TNFRSF8: variants seen among roughly 807,000 people sequenced by gnomAD.
TNFRSF8 encodes tumor necrosis factor receptor superfamily member 8.
A neutral mutation model predicts 70.8 loss-of-function variants in TNFRSF8; 26 were observed. The ratio of observed to expected loss-of-function variants is 0.37; its 90% confidence interval spans 0.27 to 0.51. The LOEUF (loss-of-function observed/expected upper bound fraction) is 0.51, where lower values mean the gene tolerates loss of function less well. Among genes scored for constraint, TNFRSF8 ranks in the 20% least tolerant of loss-of-function variants. The pLI is 0.94. For synonymous variants in TNFRSF8, 356 were observed against 339.2 expected, an observed-to-expected ratio of 1.05 and a Z score of -0.54; for missense variants, 720 against 807.9, an observed-to-expected ratio of 0.89 and a Z score of 1.32.
intron 8 of TNFRSF8, among the ~76,000 whole-genome samples, chr1:12,118,186 C>T (rs994891355): frequency 1.3e-5 from 2 of 150,448 alleles, no homozygotes; most frequent in South Asian, 2.1e-4. Flanking sequence ...TCTCGGCTCA[C>T]GGCAACCTCT....
At chr1:12,125,387 G>A (rs915501691) in intron 10 of TNFRSF8, among the ~76,000 whole-genome samples, 1 of 152,156 alleles carries the variant, frequency 6.6e-6, no homozygotes, top group Non-Finnish European at 1.5e-5. Flanking sequence ...ACGAACTTTC[G>A]TGAGCCTCAG....
intron 8 of TNFRSF8, among the ~76,000 whole-genome samples, chr1:12,118,550 C>T (rs1641774942): frequency 3.3e-5 from 5 of 152,338 alleles, no homozygotes; most frequent in South Asian, 2.1e-4. Flanking sequence ...TAGAAGAGTA[C>T]TTAGCAACAT....
rs1007074291 is a variant in TNFRSF8 at position 12,110,193 on chromosome 1, G to T, written c.665G>T (p.Ser222Ile). 2.2e-5 allele frequency: 35 copies of T among 1,590,972 alleles called. No individual in the cohort carries two copies. Among genetic ancestry groups the T allele is most frequent in the Middle Eastern group, 1.7e-4 (1 of 5,940 alleles). ...PDSPSSVGRP[S>I]SDPGLSPTQP... is the part of the protein sequence containing the mutation. ...TCTCCCTCCTCTGTGGGAAGGCCTA[G>T]TTCAGATCCAGGTAATTTCCCCATG... Residue 222 changes from serine to isoleucine, a missense_variant, in exon 6 of 15, where the codon AGT (serine) becomes ATT (isoleucine). By Grantham distance (142) the Ser-to-Ile change is moderately radical (BLOSUM62 -2). Transcript: ENST00000263932. The surrounding 1 kb of genome is among the most constrained non-coding windows in gnomAD (Gnocchi z 4.0).
chr1:12,141,838 C>T lies in TNFRSF8; in HGVS notation c.1544-449C>T, dbSNP rs901300644. On this transcript the variant is annotated intron_variant, in intron 14 of 14. Transcript: ENST00000263932. This position sits in a 1 kb window ranked among gnomAD's most constrained non-coding sequence, Gnocchi z 5.4. ...CGACCTTGGGCAGGTCATTTAACCT[C>T]TCCAGGCTTCAGATTCTTACCTGTA... is the stretch of plus-strand genomic sequence containing the variant. 6.6e-6 allele frequency among the ~76,000 whole-genome samples: 1 copy of T among 152,192 alleles called. No homozygotes were observed.
rs1306190773 is a variant in TNFRSF8, at chr1:12,110,586, C to A, written c.676+382C>A. ...CCTGGTCTCCATGGCGAAGGGTCGA[C>A]CCTCAGTCATTTTTCTTTTTCTTTT... On this transcript the variant is annotated intron_variant, in intron 6 of 14. Coordinates refer to ENST00000263932, the MANE Select transcript of TNFRSF8 (RefSeq NM_001243.5). This position sits in a 1 kb window ranked among gnomAD's most constrained non-coding sequence, Gnocchi z 4.0. Among the ~76,000 whole-genome samples, 3 of 152,112 alleles carry A rather than the reference C, an allele frequency of 2.0e-5. No homozygotes were observed. Among genetic ancestry groups the A allele is most frequent in the Admixed American group, 2.0e-4 (3 of 15,262 alleles).
intron 12 of TNFRSF8, among the ~76,000 whole-genome samples, chr1:12,130,537 C>T (rs1642028850): frequency 6.6e-6 from 1 of 152,222 alleles, no homozygotes; most frequent in Non-Finnish European, 1.5e-5. Context: ...ACCTCTGTGC[C>T]AAATTCCCCC....
chr1:12,111,973 A>G lies in TNFRSF8; in HGVS notation c.752A>G (p.Asp251Gly), dbSNP rs1020963428. ...CAGTGTGAGCCCGACTACTACCTGG[A>G]CGAGGCCGGCCGCTGCACGGCCTGC... ...RKQCEPDYYLDEAGRCTACVS... is the reference protein window; with the variant it reads ...RKQCEPDYYLGEAGRCTACVS... The change falls in exon 7 of 15, where the codon GAC becomes GGC. Residue 251 changes from aspartate to glycine, a missense_variant. Physicochemically the swap from Asp to Gly is moderately conservative, Grantham distance 94. Transcript: ENST00000263932. 1 of 1,614,076 alleles carries G rather than the reference A, an allele frequency of 6.2e-7. No homozygotes were observed. Among genetic ancestry groups the G allele is most frequent in the Non-Finnish European group, 8.5e-7 (1 of 1,180,032 alleles).
intron 2 of TNFRSF8, among the ~76,000 whole-genome samples, chr1:12,085,858 AGAT>A (rs563564342): frequency 6.6e-5 from 10 of 152,242 alleles, no homozygotes; most frequent in Non-Finnish European, 1.3e-4. Context: ...CAGTGGTCTT[AGAT>A]GGGCGGGGCA....
rs1235294519 is a variant in TNFRSF8 at position 12,108,064 on chromosome 1, A to G, written c.422-1502A>G. On this transcript the variant is annotated intron_variant, in intron 4 of 14. Coordinates refer to ENST00000263932, the MANE Select transcript of TNFRSF8 (RefSeq NM_001243.5). The surrounding 1 kb of genome is among the most constrained non-coding windows in gnomAD (Gnocchi z 4.0). ...AGCTTCAGAGCGAAGTCCCACACAT[A>G]CAGGCCACCATTTTTTTATTTTTTT... Among the ~76,000 whole-genome samples the G allele has an allele frequency of 7.0e-6, 1 of 143,846 alleles. No individual in the cohort carries two copies. The highest frequency in any genetic ancestry group is 1.6e-5 in the Non-Finnish European group (1 of 63,652). The allele number at this position is 143,846 out of a possible 152,430, so 94.4% of individuals were successfully genotyped here.
rs148756853 is a variant in TNFRSF8 at position 12,104,435 on chromosome 1, C to T, written c.325C>T (p.Arg109Ter). ...GAACTCCTCCCGTGTCTGCGAATGT[C>T]GACCCGGCATGTTCTGTTCCACGTC... ...AWNSSRVCEC[R>*]PGMFCSTSAV... Residue 109 changes from arginine to a stop codon, truncating the protein, a stop_gained, in exon 4 of 15, where the codon CGA (arginine) becomes TGA (stop). Transcript: ENST00000263932. LOFTEE classifies it high-confidence loss of function. The T allele has an allele frequency of 3.1e-6, 5 of 1,614,116 alleles. No individual in the cohort carries two copies. The highest frequency in any genetic ancestry group is 4.2e-6 in the Non-Finnish European group (5 of 1,180,024).
At chr1:12,130,365 T>A (rs1642025151) in intron 12 of TNFRSF8, among the ~76,000 whole-genome samples, 1 of 152,214 alleles carries the variant, frequency 6.6e-6, no homozygotes, top group Non-Finnish European at 1.5e-5. Flanking sequence ...AGCTGGCTCT[T>A]GTGTGCTTTG....
At chr1:12,103,193 G>A (rs1371953998) in intron 3 of TNFRSF8, among the ~76,000 whole-genome samples, 1 of 151,846 alleles carries the variant, frequency 6.6e-6, no homozygotes, top group South Asian at 2.1e-4. Context: ...GTGAAACCCC[G>A]TCTCTATAAA....
Position 12,138,368 on chromosome 1 carries a change from G to C in TNFRSF8, c.1475G>C (p.Gly492Ala). 1.9e-6 allele frequency: 3 copies of C among 1,613,632 alleles called. No homozygotes were observed. Among genetic ancestry groups the C allele is most frequent in the Non-Finnish European group, 2.5e-6 (3 of 1,179,866 alleles). ...CCGCTGCAGGATGCCAGCCCGGCCGGGGGCCCCTCGTCCCCCAGGGACCTT... is the reference window on the plus strand; with the variant it reads ...CCGCTGCAGGATGCCAGCCCGGCCGCGGGCCCCTCGTCCCCCAGGGACCTT... ...SLPLQDASPA[G>A]GPSSPRDLPE... Residue 492 changes from glycine to alanine, a missense_variant, in exon 14 of 15, where the codon GGG (glycine) becomes GCG (alanine). Transcript: ENST00000263932. This position sits in a 1 kb window ranked among gnomAD's most constrained non-coding sequence, Gnocchi z 5.7.
intron 1 of TNFRSF8, among the ~76,000 whole-genome samples, chr1:12,078,542 C>T (rs371773671): frequency 2.0e-5 from 3 of 152,108 alleles, no homozygotes; most frequent in African/African-American, 7.2e-5. Flanking sequence ...CCAGCTTGGG[C>T]GACGGAGCGA....
intron 1 of TNFRSF8, among the ~76,000 whole-genome samples, chr1:12,065,387 A>G (rs566361703): frequency 3.3e-4 from 51 of 152,242 alleles, no homozygotes; most frequent in Admixed American, 3.1e-3. Flanking sequence ...CCAGCCTCCC[A>G]TACCCTTTTT....
chr1:12,071,000 T>C (rs1640833831), intron 1 of TNFRSF8, among the ~76,000 whole-genome samples: 1 of 152,122 alleles, frequency 6.6e-6, no homozygotes, highest in African/African-American at 2.4e-5. Flanking sequence ...ACCCCCTTTT[T>C]TTGGCCCCCA....
chr1:12,126,310 C>A (rs1641939820), intron 12 of TNFRSF8, 74 bp downstream of exon 12: 2 of 1,555,768 alleles, frequency 1.3e-6, no homozygotes, highest in Non-Finnish European at 1.8e-6. Flanking sequence ...GGGGCGTGGG[C>A]TCCAGAGACT....
In TNFRSF8 at chr1:12,080,924, C is replaced by T. The variant is rs146846183; in HGVS notation, c.64-3540C>T. Among the ~76,000 whole-genome samples the T allele has an allele frequency of 1.7e-3, 259 of 152,258 alleles. 2 individuals carry two copies. In the South Asian group the frequency reaches 0.018, roughly 10 times the overall value. ...CAGAGATGGGGGAGAATTGGGGACA[C>T]GGTGAAGCTCAAACCTCTCTGCACT... On this transcript the variant is annotated intron_variant, in intron 1 of 14. Coordinates refer to ENST00000263932, the MANE Select transcript of TNFRSF8 (RefSeq NM_001243.5).
In TNFRSF8 at chr1:12,138,660, G is replaced by GC. The variant is rs1642198421; in HGVS notation, c.1543+226dup. On this transcript the variant is annotated intron_variant, in intron 14 of 14. Coordinates refer to ENST00000263932, the MANE Select transcript of TNFRSF8 (RefSeq NM_001243.5). The surrounding 1 kb of genome is among the most constrained non-coding windows in gnomAD (Gnocchi z 5.7). ...ATTCATGAGCCAGTGTGCATGAGAT[G>GC]CCTGCTGTTACTCATAAAAAACGAA... Among the ~76,000 whole-genome samples the GC allele has an allele frequency of 1.4e-4, 21 of 152,292 alleles. No individual in the cohort carries two copies. The South Asian group carries it at 4.4e-3, about 32-fold the overall frequency.
Sources: allele counts gnomAD v4.1 joint callset (sites outside exome capture counted in the v4.1 genomes callset), GRCh38; gene constraint gnomAD v4.1.1; non-coding constraint Gnocchi (gnomAD v3.1); transcripts MANE v1.5; gene names NCBI Gene and HGNC (gene_info 2026-07-23, HGNC 2026-07-21).